The following ARHGEF10L variants were observed in gnomAD, a reference collection of about 807,000 sequenced individuals.
ARHGEF10L encodes the protein Rho guanine nucleotide exchange factor 10 like.
Under a neutral mutation model 141.2 loss-of-function variants are expected in ARHGEF10L, and 69 were observed. That is an observed-to-expected ratio of 0.49 (90% CI 0.40 to 0.60). ARHGEF10L has a LOEUF of 0.60. ARHGEF10L is among the 20% of genes least tolerant of loss of function. The pLI, the probability that ARHGEF10L is intolerant of heterozygous loss-of-function variation, is 0.00. For synonymous variants in ARHGEF10L, 711 were observed against 718.5 expected, an observed-to-expected ratio of 0.99 and a Z score of 0.17; for missense variants, 1,482 against 1,734.3, an observed-to-expected ratio of 0.85 and a Z score of 2.58.
chr1:17,695,578 A>G (rs2065437414), intron 28 of ARHGEF10L, among the ~76,000 whole-genome samples: 1 of 152,088 alleles, frequency 6.6e-6, no homozygotes, highest in African/African-American at 2.4e-5. Context: ...GCTGCTTCCC[A>G]TAGCAGTTTC....
At chr1:17,555,156 T>C (rs1471903263) in intron 1 of ARHGEF10L, among the ~76,000 whole-genome samples, 1 of 152,322 alleles carries the variant, frequency 6.6e-6, no homozygotes, top group Admixed American at 6.5e-5. Flanking sequence ...GATTCTGAAA[T>C]TGCAGCACTT....
At chr1:17,614,837 T>A (rs1355734424) in intron 8 of ARHGEF10L, among the ~76,000 whole-genome samples, 1 of 152,128 alleles carries the variant, frequency 6.6e-6, no homozygotes, top group Non-Finnish European at 1.5e-5. Flanking sequence ...TGCTTCCCCA[T>A]GCACAGCACC....
At chr1:17,538,670 G>A (rs2076617695), upstream of ARHGEF10L, among the ~76,000 whole-genome samples, 1 of 150,266 alleles carries the variant, frequency 6.7e-6, no homozygotes, top group African/African-American at 2.5e-5. Context: ...CCTGAGGCTG[G>A]TGCCTGACAA....
intron 2 of ARHGEF10L, among the ~76,000 whole-genome samples, chr1:17,583,860 A>AT (rs112118468): frequency 6.6e-5 from 10 of 151,482 alleles, no homozygotes; most frequent in South Asian, 2.1e-4. Context: ...ATTTAAACAA[A>AT]TTTTTTTTTG....
chr1:17,674,828 C>A, intron 26 of ARHGEF10L, among the ~76,000 whole-genome samples: 1 of 152,156 alleles, frequency 6.6e-6, no homozygotes, highest in Non-Finnish European at 1.5e-5. Flanking sequence ...CTGCAGTGTT[C>A]AGTACCGTCT....
intron 26 of ARHGEF10L, among the ~76,000 whole-genome samples, chr1:17,683,975 G>A (rs1295046647): frequency 6.6e-6 from 1 of 152,202 alleles, no homozygotes; most frequent in African/African-American, 2.4e-5. Context: ...CTGGCTGCAC[G>A]CGTGTGAGCA....
intron 26 of ARHGEF10L, among the ~76,000 whole-genome samples, chr1:17,668,195 C>T (rs1236387219): frequency 1.3e-5 from 2 of 152,180 alleles, no homozygotes; most frequent in East Asian, 1.9e-4. Context: ...ATCTTAAATC[C>T]GCATTGCTGT....
chr1:17,609,955 G>A (rs1368904344), intron 7 of ARHGEF10L, among the ~76,000 whole-genome samples: 1 of 152,214 alleles, frequency 6.6e-6, no homozygotes, highest in Non-Finnish European at 1.5e-5. Flanking sequence ...CCTGCTCTGG[G>A]CAGTGTGACC....
chr1:17,684,073 C>T (rs1029883451), intron 26 of ARHGEF10L, among the ~76,000 whole-genome samples: 1 of 152,208 alleles, frequency 6.6e-6, no homozygotes. Context: ...GCAGACAAAG[C>T]ATGTTGGGTC....
intron 16 of ARHGEF10L, 63 bp downstream of exon 16, chr1:17,632,529 C>T: frequency 6.2e-7 from 1 of 1,605,352 alleles, no homozygotes; most frequent in Non-Finnish European, 8.5e-7. Context: ...CCGCCCTACT[C>T]CAGTCTCTTG....
At chr1:17,616,943 C>CT (rs2059841933) in intron 9 of ARHGEF10L, among the ~76,000 whole-genome samples, 1 of 152,192 alleles carries the variant, frequency 6.6e-6, no homozygotes, top group Non-Finnish European at 1.5e-5. Flanking sequence ...AGGTGCTGCC[C>CT]TATGAGCCTA....
intron 26 of ARHGEF10L, among the ~76,000 whole-genome samples, chr1:17,669,970 C>T (rs74320368): frequency 0.04 from 6,088 of 152,326 alleles, 435 homozygotes; most frequent in Admixed American, 0.19. Context: ...CCCAGCTGGA[C>T]GCAGGACAGG....
chr1:17,618,172 A>G, intron 9 of ARHGEF10L: 1 of 652,674 alleles, frequency 1.5e-6, no homozygotes, highest in Non-Finnish European at 2.5e-6. Context: ...GTCCGAAGAC[A>G]GGATAACGTG....
chr1:17,681,802 A>G (rs2102424187), intron 26 of ARHGEF10L, among the ~76,000 whole-genome samples: 2 of 152,240 alleles, frequency 1.3e-5, no homozygotes, highest in South Asian at 4.1e-4. Context: ...AGACTGTGTG[A>G]ATATCCAGTT....
At chr1:17,527,874 T>TC in the ARHGEF10L span, among the ~76,000 whole-genome samples, 2 of 149,768 alleles carry the variant, frequency 1.3e-5, no homozygotes, top group African/African-American at 4.9e-5. Context: ...TCTTTTCTTT[T>TC]TTTTTTTTTT....
In ARHGEF10L at chr1:17,679,565, G is replaced by A. The variant is rs547687633; in HGVS notation, c.3010-8008G>A. Among the ~76,000 whole-genome samples, 11 of 152,304 alleles carry A rather than the reference G, an allele frequency of 7.2e-5. No individual in the cohort carries two copies. The East Asian group carries it at 1.2e-3, about 16-fold the overall frequency. On this transcript the variant is annotated intron_variant, in intron 26 of 28. Transcript: ENST00000361221. ...GCTTTCCTCCCATGTCCTAAGCAGC[G>A]CGACTTTGCACATCATTTAGCCTGT...
the ARHGEF10L span, among the ~76,000 whole-genome samples, chr1:17,530,959 C>T: frequency 9.9e-5 from 15 of 151,478 alleles, no homozygotes; most frequent in African/African-American, 4.9e-5. Context: ...GAGCCGAGAT[C>T]GTGCCACTGC....
chr1:17,656,252 G>A lies in ARHGEF10L; in HGVS notation c.2705+150G>A. ...AAGGTGGGCACCAGAGCTGCCCAGT[G>A]TGGGAGCCAAAGTGTCGGGAGCGGC... On this transcript the variant is annotated intron_variant, in intron 24 of 28. Transcript: ENST00000361221. The surrounding 1 kb of genome is among the most constrained non-coding windows in gnomAD (Gnocchi z 4.9). 9.6e-7 allele frequency: 1 copy of A among 1,036,810 alleles called. No homozygotes were observed. The highest frequency in any genetic ancestry group is 1.6e-5 in the South Asian group (1 of 62,590). 64.2% of individuals were successfully genotyped at this position (1,036,810 alleles called of 1,614,324 possible).
At chr1:17,590,764 A>T (rs1391852570) in intron 4 of ARHGEF10L, among the ~76,000 whole-genome samples, 1 of 152,104 alleles carries the variant, frequency 6.6e-6, no homozygotes, top group African/African-American at 2.4e-5. Context: ...AGGTGGGTGG[A>T]CCACTGAGGT....
Sources: allele counts gnomAD v4.1 joint callset (sites outside exome capture counted in the v4.1 genomes callset), GRCh38; gene constraint gnomAD v4.1.1; non-coding constraint Gnocchi (gnomAD v3.1); transcripts MANE v1.5; gene names NCBI Gene and HGNC (gene_info 2026-07-23, HGNC 2026-07-21).